The following EP300 variants were observed in gnomAD, a reference collection of about 807,000 sequenced individuals.
EP300 encodes the protein EP300 lysine acetyltransferase, also known as histone acetyltransferase p300.
Under a neutral mutation model 264.0 loss-of-function variants are expected in EP300, and 31 were observed. That is an observed-to-expected ratio of 0.12 (90% CI 0.09 to 0.16). The LOEUF is 0.16. Among genes scored for constraint, EP300 ranks in the 10% least tolerant of loss-of-function variants. The probability of loss-of-function intolerance (pLI) is 1.00; values close to 1 mark genes in which losing one functional copy is unlikely to be tolerated. For missense variants in EP300, 2,766 were observed against 3,052.9 expected (o/e 0.91, Z 2.21); for synonymous variants, 1,340 against 1,045.4 (o/e 1.28, Z -5.44).
chr22:41,149,345 C>T (rs1011491938), intron 13 of EP300, among the ~76,000 whole-genome samples, 170 bp downstream of exon 13: 1 of 152,146 alleles, frequency 6.6e-6, no homozygotes, highest in South Asian at 2.1e-4. Context: ...TATTCTGTGA[C>T]ATAGCAATGG....
At position 41,177,584 on chromosome 22, in the gene EP300, C is replaced by T. The variant is rs776916559; in HGVS notation, c.5873C>T (p.Pro1958Leu). ...AGGCCAATCCAACACCAGATGCCCC[C>T]GATGACTCCCATGGCCCCCATGGGT... is the stretch of plus-strand genomic sequence containing the variant. Reference protein sequence around the residue: ...FQRPIQHQMPPMTPMAPMGMN... With the variant: ...FQRPIQHQMPLMTPMAPMGMN... The change falls in exon 31 of 31, where the codon CCG becomes CTG. Residue 1958 changes from proline to leucine, a missense_variant. Coordinates refer to ENST00000263253, the MANE Select transcript of EP300 (RefSeq NM_001429.4). 58 of 1,614,058 alleles carry T rather than the reference C, an allele frequency of 3.6e-5. No homozygotes were observed. The highest frequency in any genetic ancestry group is 8.3e-5 in the Admixed American group (5 of 60,002).
intron 14 of EP300, 58 bp downstream of exon 14, chr22:41,150,256 A>G: frequency 6.6e-7 from 1 of 1,507,842 alleles, no homozygotes; most frequent in Non-Finnish European, 9.0e-7. Flanking sequence ...GTATTATATT[A>G]CTTCTGGGCC....
At chr22:41,161,472 C>G (rs1288145705) in intron 20 of EP300, among the ~76,000 whole-genome samples, 5 of 151,990 alleles carry the variant, frequency 3.3e-5, no homozygotes, top group African/African-American at 1.2e-4. Flanking sequence ...AAAAAATTAG[C>G]CGGGCATGGT....
chr22:41,134,430 C>T (rs1331778473), intron 6 of EP300, among the ~76,000 whole-genome samples: 1 of 152,050 alleles, frequency 6.6e-6, no homozygotes, highest in East Asian at 1.9e-4. Context: ...CTGGGTCTCG[C>T]TGTGTCACCC....
At chr22:41,109,446 T>C (rs1472874527) in intron 1 of EP300, among the ~76,000 whole-genome samples, 1 of 152,096 alleles carries the variant, frequency 6.6e-6, no homozygotes, top group African/African-American at 2.4e-5. Flanking sequence ...GTTGTTGAGA[T>C]GAATGAGAAT....
rs2059081345 is a variant in EP300 at position 41,157,061 on chromosome 22, CA to C, written c.3262-107del. 6.4e-6 allele frequency: 9 copies of C among 1,409,770 alleles called. No homozygotes were observed. The South Asian group carries it at 1.1e-4, about 17-fold the overall frequency. 87.3% of individuals were successfully genotyped at this position (1,409,770 alleles called of 1,614,324 possible). A position where few individuals can be genotyped will look rare whatever the true frequency, so the allele number is the denominator to read the frequency against. On this transcript the variant is annotated intron_variant, in intron 17 of 30. Transcript: ENST00000263253. ...CACCTCTTGGGGAATATAGACAGGC[CA>C]GAAACTAAAACACTGCCTGGAAAAT...
intron 21 of EP300, 135 bp from the exon 22 acceptor site, chr22:41,163,918 A>C: frequency 1.2e-6 from 1 of 849,258 alleles, no homozygotes; most frequent in East Asian, 2.6e-5. Flanking sequence ...CTAAAAAAAT[A>C]GAAACTTTAT....
At chr22:41,140,878 C>T (rs2058978366) in intron 9 of EP300, among the ~76,000 whole-genome samples, 170 bp from the exon 10 acceptor site, 1 of 152,182 alleles carries the variant, frequency 6.6e-6, no homozygotes, top group Admixed American at 6.5e-5. Context: ...CTGTTGTTCA[C>T]GGTAGTTCAG....
chr22:41,163,053 C>T (rs879907882), intron 21 of EP300, among the ~76,000 whole-genome samples: 6 of 152,188 alleles, frequency 3.9e-5, no homozygotes, highest in Admixed American at 2.6e-4. Flanking sequence ...GGAGGACTGA[C>T]ATGTATGTCT....
chr22:41,127,639 C>T lies in EP300; in HGVS notation c.1059C>T (p.Arg353=). ...VLLLHAHKCQ[R]REQANGEVRQ... ...TTTTGCATGCTCACAAGTGCCAGCG[C>T]CGGGAACAGGCCAATGGGGAAGTGA... Residue 353 remains arginine, a synonymous_variant, in exon 4 of 31, where the codon CGC becomes CGT. Coordinates refer to ENST00000263253, the MANE Select transcript of EP300 (RefSeq NM_001429.4). 1 of 1,614,162 alleles carries T rather than the reference C, an allele frequency of 6.2e-7. No homozygotes were observed. The highest frequency in any genetic ancestry group is 8.5e-7 in the Non-Finnish European group (1 of 1,180,032).
intron 17 of EP300, among the ~76,000 whole-genome samples, chr22:41,156,730 A>G (rs750998336): frequency 6.6e-6 from 1 of 151,948 alleles, no homozygotes; most frequent in Non-Finnish European, 1.5e-5. Context: ...CTCCATCTCA[A>G]AGGTCAAGTG....
In EP300 at chr22:41,146,723, C is replaced by T. The variant is rs1182751059; in HGVS notation, c.2054-16C>T. ...GAAGATGGTGCAAAGATACTTATTT[C>T]TCTTTTTTACTCTAGATGGCCCTCT... On this transcript the variant is annotated splice_polypyrimidine_tract_variant and intron_variant, in intron 10 of 30. Transcript: ENST00000263253. 3.1e-6 allele frequency: 5 copies of T among 1,612,354 alleles called. No homozygotes were observed. Among genetic ancestry groups the T allele is most frequent in the Admixed American group, 1.7e-5 (1 of 59,992 alleles).
chr22:41,172,707 A>G, intron 28 of EP300, 44 bp downstream of exon 28: 1 of 1,586,666 alleles, frequency 6.3e-7, no homozygotes, highest in Non-Finnish European at 8.6e-7. Flanking sequence ...CATGATTCTA[A>G]TATTTAATCC....
chr22:41,148,018 T>C (rs535796485), intron 12 of EP300, 72 bp downstream of exon 12: 15 of 1,053,972 alleles, frequency 1.4e-5, no homozygotes, highest in African/African-American at 6.4e-5. Flanking sequence ...GTTCCTACTT[T>C]ATAAATTCTC....
chr22:41,152,238 C>T lies in EP300; in HGVS notation c.3030C>T (p.Thr1010=), dbSNP rs148414681. Residue 1010 remains threonine (T), a synonymous_variant, in exon 16 of 31, where the codon ACC becomes ACT. Coordinates refer to ENST00000263253, the MANE Select transcript of EP300 (RefSeq NM_001429.4). The stretch of plus-strand genomic sequence containing the variant: ...TGGAAGACTGTAAAATGGAATCTAC[C>T]GAAACAGAAGAGAGAAGCACTGAGT... ...SKVEDCKMES[T]ETEERSTELK... is the part of the protein sequence containing the mutation. The T allele has an allele frequency of 5.3e-5, 85 of 1,613,774 alleles. No homozygotes were observed. The highest frequency in any genetic ancestry group is 4.5e-5 in the East Asian group (2 of 44,882).
intron 17 of EP300, among the ~76,000 whole-genome samples, chr22:41,155,573 G>A (rs1253169166): frequency 2.6e-5 from 4 of 152,046 alleles, no homozygotes; most frequent in African/African-American, 9.7e-5. Flanking sequence ...AGTTGTGCAT[G>A]ACACTTTCAT....
In EP300 at chr22:41,177,236, G is replaced by C. The variant is rs1274954980; in HGVS notation, c.5525G>C (p.Gly1842Ala). The C allele has an allele frequency of 3.1e-6, 5 of 1,614,062 alleles. No individual in the cohort carries two copies. The South Asian group carries it at 4.4e-5, about 14-fold the overall frequency. Residue 1842 changes from glycine (G) to alanine (A), a missense_variant, in exon 31 of 31, where the codon GGG becomes GCG. Transcript: ENST00000263253. Reference sequence around the variant, plus strand: ...AGCATGCAGCGGACTGGTGTGGTTGGGCAGCAACAGGGCCTCCCTTCCCCC... The same window carrying C: ...AGCATGCAGCGGACTGGTGTGGTTGCGCAGCAACAGGGCCTCCCTTCCCCC... ...MASMQRTGVV[G>A]QQQGLPSPTP...
intron 1 of EP300, 133 bp downstream of exon 1, chr22:41,093,231 A>G: frequency 1.1e-6 from 1 of 942,738 alleles, no homozygotes; most frequent in Non-Finnish European, 1.6e-6. Context: ...AGGTATTTGA[A>G]TGAGCTGGTC....
chr22:41,101,230 A>G (rs5758228), intron 1 of EP300, among the ~76,000 whole-genome samples: 78,983 of 151,474 alleles, frequency 0.52, 23,247 homozygotes, highest in Admixed American at 0.72. Context: ...ACCTGCTACC[A>G]TGCCTGGCTA....
Sources: gnomAD v4.1 joint callset for allele counts (sites outside exome capture counted in the v4.1 genomes callset) on GRCh38, gnomAD v4.1.1 for gene constraint, MANE v1.5 for transcripts, NCBI Gene and HGNC (gene_info 2026-07-23, HGNC 2026-07-21) for gene names.